VCL: variants seen among roughly 807,000 people sequenced by gnomAD.
VCL encodes the protein epididymis luminal protein 114.
Under a neutral mutation model 125.7 loss-of-function variants are expected in VCL, and 47 were observed. The ratio of observed to expected loss-of-function variants is 0.37; its 90% CI spans 0.30 to 0.48. VCL has a LOEUF of 0.48. Ranked by LOEUF, VCL falls within the 20% of genes least tolerant of loss-of-function variation. The pLI, the probability that VCL is intolerant of heterozygous loss-of-function variation, is 0.99. For synonymous variants in VCL, 458 were observed against 514.6 expected (o/e 0.89, Z 1.49); for missense variants, 1,069 against 1,455.5 (o/e 0.73, Z 4.32).
intron 2 of VCL, among the ~76,000 whole-genome samples, chr10:74,048,023 C>G (rs1841222046): frequency 6.6e-6 from 1 of 152,190 alleles, no homozygotes; most frequent in South Asian, 2.1e-4. Flanking sequence ...TTACCCAAGA[C>G]TGCAATAATA....
chr10:74,042,111 T>A (rs1841104712), intron 1 of VCL, among the ~76,000 whole-genome samples: 1 of 152,180 alleles, frequency 6.6e-6, no homozygotes, highest in African/African-American at 2.4e-5. Context: ...ACATGTGGAT[T>A]TTTTTTGGTG....
At chr10:74,074,530 C>T (rs1324928129) in intron 5 of VCL, among the ~76,000 whole-genome samples, 1 of 152,052 alleles carries the variant, frequency 6.6e-6, no homozygotes, top group Non-Finnish European at 1.5e-5. Context: ...GTGATGGTGT[C>T]TTTGTACCTT....
intron 1 of VCL, among the ~76,000 whole-genome samples, chr10:74,039,096 G>A (rs1273345349): frequency 6.6e-6 from 1 of 151,960 alleles, no homozygotes; most frequent in African/African-American, 2.4e-5. Flanking sequence ...ATTTTTAGTA[G>A]AGACAGGGTT....
At chr10:74,013,149 A>G (rs540630898) in intron 1 of VCL, among the ~76,000 whole-genome samples, 1 of 152,252 alleles carries the variant, frequency 6.6e-6, no homozygotes, top group East Asian at 1.9e-4. Context: ...TAGGAAGGCC[A>G]TTTTCTGCTG....
chr10:74,028,959 C>T (rs976493599), intron 1 of VCL, among the ~76,000 whole-genome samples: 7 of 152,114 alleles, frequency 4.6e-5, no homozygotes, highest in Admixed American at 6.6e-5. Context: ...GTTGGGACTA[C>T]AGCTAGGTGC....
intron 6 of VCL, 43 bp from the exon 7 acceptor site, chr10:74,082,411 C>T (rs758057563): frequency 6.2e-7 from 1 of 1,606,642 alleles, no homozygotes; most frequent in South Asian, 1.1e-5. Context: ...CATGGTATCT[C>T]AACTTTTGCA....
rs139274241 is a variant in VCL, at chr10:74,118,016, C to T, written c.3259-7C>T. The stretch of plus-strand genomic sequence containing the variant: ...CTGGGTAACGGAAAGTACCTTTTTC[C>T]TTGCAGGCCACAGAGATGCTGGTTC... On this transcript the variant is annotated splice_region_variant and splice_polypyrimidine_tract_variant and intron_variant, in intron 21 of 21. Coordinates refer to ENST00000211998, the MANE Select transcript of VCL (RefSeq NM_014000.3). The T allele has an allele frequency of 6.2e-7, 1 of 1,614,022 alleles. No individual in the cohort carries two copies. The highest frequency in any genetic ancestry group is 1.7e-5 in the Admixed American group (1 of 60,022).
rs543992071 is a variant in VCL, at chr10:74,099,178, A to G, written c.1873-1770A>G. On this transcript the variant is annotated intron_variant, in intron 13 of 21. Transcript: ENST00000211998. ...TGACATTCTCCTGCTTAAACCCTTC[A>G]GTGGGGCCTGTACTTTCACAGAGGA... Among the ~76,000 whole-genome samples the G allele has an allele frequency of 2.2e-3, 333 of 152,308 alleles. 2 individuals are homozygous for G. Among genetic ancestry groups the G allele is most frequent in the African/African-American group, 7.6e-3 (315 of 41,558 alleles).
intron 6 of VCL, chr10:74,075,462 G>T (rs4745735): frequency 0.062 from 9,554 of 154,626 alleles, 1,026 homozygotes; most frequent in African/African-American, 0.22. Context: ...CCTTTTTCTG[G>T]AATCTCTTTT....
chr10:74,097,293 G>A lies in VCL; in HGVS notation c.1833G>A (p.Val611=). ...CAACTCCCATCAAGCTGTTGGCAGT[G>A]GCAGCCACGGCGCCTCCTGATGCGC... ...DTTTPIKLLA[V]AATAPPDAPN... Residue 611 remains valine, a synonymous_variant, in exon 13 of 22, where the codon GTG becomes GTA. Coordinates refer to ENST00000211998, the MANE Select transcript of VCL (RefSeq NM_014000.3). This position sits in a 1 kb window ranked among gnomAD's most constrained non-coding sequence, Gnocchi z 4.1. 2 of 1,614,006 alleles carry A rather than the reference G, an allele frequency of 1.2e-6. No homozygotes were observed. The highest frequency in any genetic ancestry group is 1.7e-6 in the Non-Finnish European group (2 of 1,179,968).
At chr10:74,080,130 T>A (rs1445832276) in intron 6 of VCL, among the ~76,000 whole-genome samples, 2 of 152,188 alleles carry the variant, frequency 1.3e-5, no homozygotes, top group East Asian at 3.8e-4. Context: ...TTCCATTGTG[T>A]TTCAAATCAT....
At chr10:74,064,306 T>G (rs1841529030) in intron 2 of VCL, among the ~76,000 whole-genome samples, 1 of 152,152 alleles carries the variant, frequency 6.6e-6, no homozygotes, top group Admixed American at 6.5e-5. Flanking sequence ...GTTCACCAAC[T>G]CAGAAACTCT....
At chr10:74,102,619 C>T (rs2131925261) in intron 14 of VCL, among the ~76,000 whole-genome samples, 1 of 152,336 alleles carries the variant, frequency 6.6e-6, no homozygotes, top group South Asian at 2.1e-4. Context: ...AAACTTTTGC[C>T]TGTGTGGCGT....
chr10:74,043,350 A>AC (rs1841132217), intron 2 of VCL, among the ~76,000 whole-genome samples, 197 bp downstream of exon 2: 1 of 129,756 alleles, frequency 7.7e-6, no homozygotes, highest in Non-Finnish European at 1.9e-5. Flanking sequence ...TTGACATAAT[A>AC]ATTTTTTTTT....
intron 8 of VCL, among the ~76,000 whole-genome samples, chr10:74,086,348 G>A (rs565025049): frequency 6.6e-6 from 1 of 152,194 alleles, no homozygotes; most frequent in East Asian, 1.9e-4. Flanking sequence ...GGACTTTCAG[G>A]TTGCGTCTCT....
chr10:74,059,625 T>C (rs545914391), intron 2 of VCL, among the ~76,000 whole-genome samples: 19 of 152,232 alleles, frequency 1.2e-4, no homozygotes, highest in Middle Eastern at 3.4e-3. Context: ...CAGATTGGTC[T>C]CGAATTCCTG....
At chr10:74,064,599 G>C (rs1196532377) in intron 2 of VCL, among the ~76,000 whole-genome samples, 1 of 151,960 alleles carries the variant, frequency 6.6e-6, no homozygotes, top group African/African-American at 2.4e-5. Flanking sequence ...GTAGAGATGA[G>C]ATCTTGCTCT....
chr10:74,051,485 G>C (rs10762575), intron 2 of VCL, among the ~76,000 whole-genome samples: 101,372 of 152,076 alleles, frequency 0.67, 34,581 homozygotes, highest in African/African-American at 0.76. Context: ...TAAATACCTT[G>C]TATGAGCTGG....
At chr10:74,036,771 A>G (rs1384557044) in intron 1 of VCL, among the ~76,000 whole-genome samples, 1 of 152,040 alleles carries the variant, frequency 6.6e-6, no homozygotes, top group Non-Finnish European at 1.5e-5. Context: ...GTTGTAGTCT[A>G]CATTGGGAAT....
Sources: allele counts gnomAD v4.1 joint callset (sites outside exome capture counted in the v4.1 genomes callset), GRCh38; gene constraint gnomAD v4.1.1; non-coding constraint Gnocchi (gnomAD v3.1); transcripts MANE v1.5; gene names NCBI Gene and HGNC (gene_info 2026-07-23, HGNC 2026-07-21).